The following IGF2 variants were observed in gnomAD, a reference collection of about 807,000 sequenced individuals.
The protein encoded by IGF2 is insulin-like growth factor 2.
IGF2 carries 2 observed loss-of-function variants against 12.0 expected under a neutral mutation model. The observed-to-expected ratio is 0.17, with a 90% CI of 0.07 to 0.52. The LOEUF (loss-of-function observed/expected upper bound fraction) is 0.52. Among genes scored for constraint, IGF2 ranks in the 20% least tolerant of loss-of-function variants. IGF2 has a pLI of 0.95. For missense variants in IGF2, 211 were observed against 268.0 expected, an observed-to-expected ratio of 0.79 and a Z score of 1.48; for synonymous variants, 105 against 110.1, an observed-to-expected ratio of 0.95 and a Z score of 0.29.
rs1440512736 is a variant in IGF2, at chr11:2,138,394, G to T, written c.-172C>A. On this transcript the variant is annotated 5_prime_UTR_variant, in exon 1 of 4. Transcript: ENST00000416167. ...CGGGGGGATGGCTTTTTTTTGGGGGGGGGGGGAGAATTCGTCTGATTGTCC... is the reference window on the plus strand; with the variant it reads ...CGGGGGGATGGCTTTTTTTTGGGGGTGGGGGGAGAATTCGTCTGATTGTCC... 9.3e-5 allele frequency: 49 copies of T among 528,840 alleles called. 1 individual carries two copies. The highest frequency in any genetic ancestry group is 5.8e-4 in the Admixed American group (9 of 15,410). The allele number at this position is 528,840 out of a possible 1,614,324, so 32.8% of individuals were successfully genotyped here.
upstream of IGF2, chr11:2,146,137 T>C: frequency 2.1e-6 from 1 of 473,244 alleles, no homozygotes; most frequent in Non-Finnish European, 4.2e-6. Flanking sequence ...GGACTCAGAC[T>C]CACCCCATGG....
chr11:2,146,785 T>C, the IGF2 span: 12 of 211,754 alleles, frequency 5.7e-5, no homozygotes, highest in South Asian at 7.7e-4. Context: ...TCCATGTGCC[T>C]CCAGCTCCAA....
upstream of IGF2, among the ~76,000 whole-genome samples, chr11:2,142,845 G>T (rs1410873417): frequency 6.6e-6 from 1 of 152,172 alleles, no homozygotes; most frequent in Non-Finnish European, 1.5e-5. This position sits in a 1 kb window ranked among gnomAD's most constrained non-coding sequence, Gnocchi z 5.7. Context: ...GTGTAGCCCA[G>T]AGGGACCCGG....
In IGF2 at chr11:2,129,523, G is replaced by A. The variant is rs950334825; in HGVS notation, c.*3464C>T. ...CCGGCGAGGCAGAATATAACACTGG[G>A]TGGGTGGGTGTCCTGACGAATGGGC... On this transcript the variant is annotated 3_prime_UTR_variant, in exon 4 of 4. Coordinates refer to ENST00000416167, the MANE Select transcript of IGF2 (RefSeq NM_000612.6). This position sits in a 1 kb window ranked among gnomAD's most constrained non-coding sequence, Gnocchi z 8.1. 1 of 227,668 alleles carries A rather than the reference G, an allele frequency of 4.4e-6. No individual in the cohort carries two copies. Among genetic ancestry groups the A allele is most frequent in the African/African-American group, 2.2e-5 (1 of 44,976 alleles). 14.1% of individuals were successfully genotyped at this position (227,668 alleles called of 1,614,324 possible). A position where few individuals can be genotyped will look rare whatever the true frequency, so the allele number is the denominator to read the frequency against.
intron 1 of IGF2, 30 bp downstream of exon 1, chr11:2,138,199 G>C (rs1398590957): frequency 1.0e-6 from 1 of 983,600 alleles, no homozygotes; most frequent in African/African-American, 1.8e-5. Context: ...CCCAGCCCCG[G>C]CCCCGGCCCG....
At chr11:2,135,328 G>A (rs1330128576) in intron 2 of IGF2, 39 bp downstream of exon 2, 4 of 1,555,712 alleles carry the variant, frequency 2.6e-6, no homozygotes, top group Non-Finnish European at 3.5e-6. Context: ...CACTCTAGGG[G>A]CCTGACCAGG....
upstream of IGF2, among the ~76,000 whole-genome samples, chr11:2,143,964 A>C (rs1405235629): frequency 6.6e-6 from 1 of 152,188 alleles, no homozygotes; most frequent in Non-Finnish European, 1.5e-5. Flanking sequence ...CGCGCGGAGC[A>C]CTGGCGCCCT....
Position 2,130,224 on chromosome 11 carries a change from G to A in IGF2, c.*2763C>T, listed in dbSNP as rs1858438633. The A allele has an allele frequency of 8.7e-6, 2 of 231,092 alleles. No individual in the cohort carries two copies. Among genetic ancestry groups the A allele is most frequent in the East Asian group, 6.1e-5 (1 of 16,424 alleles). The allele number at this position is 231,092 out of a possible 1,614,324, so 14.3% of individuals were successfully genotyped here. On this transcript the variant is annotated 3_prime_UTR_variant, in exon 4 of 4. Coordinates refer to ENST00000416167, the MANE Select transcript of IGF2 (RefSeq NM_000612.6). ...CCAGGAGCCCCCTCCTGTGGCCTCC[G>A]AGCACCCTCCTGACACCTGAGGAGA...
chr11:2,148,898 T>C, the IGF2 span: 3 of 574,276 alleles, frequency 5.2e-6, no homozygotes, highest in Non-Finnish European at 9.3e-6. The surrounding 1 kb of genome is among the most constrained non-coding windows in gnomAD (Gnocchi z 4.3). Context: ...TCAGTGGCTT[T>C]GTGCAGCCCT....
At chr11:2,147,207 A>T in the IGF2 span, 1 of 173,760 alleles carries the variant, frequency 5.8e-6, no homozygotes, top group Non-Finnish European at 1.2e-5. The surrounding 1 kb of genome is among the most constrained non-coding windows in gnomAD (Gnocchi z 7.2). Context: ...TTCCCCAATG[A>T]TATTTTCCCT....
upstream of IGF2, among the ~76,000 whole-genome samples, chr11:2,144,461 G>A (rs991879937): frequency 3.3e-5 from 5 of 152,242 alleles, no homozygotes; most frequent in Non-Finnish European, 5.9e-5. Flanking sequence ...AAACAAGGGT[G>A]AAACCAGTTT....
chr11:2,138,382 T>C lies in IGF2; in HGVS notation c.-160A>G. On this transcript the variant is annotated 5_prime_UTR_variant, in exon 1 of 4. Transcript: ENST00000416167. ...GACGGGGCAGAGCGGGGGGATGGCT[T>C]TTTTTTGGGGGGGGGGGGAGAATTC... The C allele has an allele frequency of 6.4e-6, 4 of 627,434 alleles. No homozygotes were observed. Among genetic ancestry groups the C allele is most frequent in the Non-Finnish European group, 7.7e-6 (4 of 516,428 alleles). The allele number at this position is 627,434 out of a possible 1,614,324, so 38.9% of individuals were successfully genotyped here. A position where few individuals can be genotyped will look rare whatever the true frequency, so the allele number is the denominator to read the frequency against.
At chr11:2,137,703 G>C (rs1359756032) in intron 1 of IGF2, among the ~76,000 whole-genome samples, 2 of 152,162 alleles carry the variant, frequency 1.3e-5, no homozygotes, top group Non-Finnish European at 2.9e-5. Context: ...CAGAGCCAGA[G>C]GGGGTGTGGG....
chr11:2,138,351 A>C lies in IGF2; in HGVS notation c.-129T>G, dbSNP rs1859244035. 5.3e-6 allele frequency: 5 copies of C among 942,652 alleles called. No individual in the cohort carries two copies. Among genetic ancestry groups the C allele is most frequent in the Non-Finnish European group, 6.2e-6 (5 of 804,630 alleles). 58.4% of individuals were successfully genotyped at this position (942,652 alleles called of 1,614,324 possible). ...GCTCTGGCCGAGTCGCGGGGGCCGA[A>C]TGTGCGACGGGGCAGAGCGGGGGGA... On this transcript the variant is annotated 5_prime_UTR_variant, in exon 1 of 4. Transcript: ENST00000416167.
At chr11:2,143,970 G>T (rs925815438), upstream of IGF2, among the ~76,000 whole-genome samples, 1 of 152,222 alleles carries the variant, frequency 6.6e-6, no homozygotes, top group African/African-American at 2.4e-5. Flanking sequence ...GAGCACTGGC[G>T]CCCTCCCCGG....
chr11:2,131,783 C>A lies in IGF2; in HGVS notation c.*1204G>T. ...TGTGTGCTGTGTCTTTGTGTGTGTG[C>A]TGTGTGCTAGTGTGTGTGCTGTGTG... On this transcript the variant is annotated 3_prime_UTR_variant, in exon 4 of 4. Coordinates refer to ENST00000416167, the MANE Select transcript of IGF2 (RefSeq NM_000612.6). 1 of 110,022 alleles carries A rather than the reference C, an allele frequency of 9.1e-6. No homozygotes were observed. Among genetic ancestry groups the A allele is most frequent in the Non-Finnish European group, 1.8e-5 (1 of 55,832 alleles). The allele number at this position is 110,022 out of a possible 1,614,324, so 6.8% of individuals were successfully genotyped here. A position where few individuals can be genotyped will look rare whatever the true frequency, so the allele number is the denominator to read the frequency against.
upstream of IGF2, among the ~76,000 whole-genome samples, chr11:2,141,839 T>TA (rs1204427978): frequency 6.6e-6 from 1 of 152,036 alleles, no homozygotes; most frequent in African/African-American, 2.4e-5. Context: ...AAATAAAAAA[T>TA]AAAAAAATAA....
At chr11:2,140,441 T>TG, upstream of IGF2, 1 of 578,412 alleles carries the variant, frequency 1.7e-6, no homozygotes, top group Non-Finnish European at 2.6e-6. Flanking sequence ...CGCGCCCCCC[T>TG]GGCCCCCCTC....
rs1858431491 is a variant in IGF2, at chr11:2,130,122, C to A, written c.*2865G>T. 1 of 230,206 alleles carries A rather than the reference C, an allele frequency of 4.3e-6. No individual in the cohort carries two copies. The highest frequency in any genetic ancestry group is 2.2e-5 in the African/African-American group (1 of 45,186). The allele number at this position is 230,206 out of a possible 1,614,324, so 14.3% of individuals were successfully genotyped here. On this transcript the variant is annotated 3_prime_UTR_variant, in exon 4 of 4. Transcript: ENST00000416167. ...GGTTCCTCAAGTGTGCGGAAGGCGG[C>A]CACCCTGCCCCAGCCTGATGGAACC... is the stretch of plus-strand genomic sequence containing the variant.
Sources: allele counts gnomAD v4.1 joint callset (sites outside exome capture counted in the v4.1 genomes callset), GRCh38; gene constraint gnomAD v4.1.1; non-coding constraint Gnocchi (gnomAD v3.1); transcripts MANE v1.5; gene names NCBI Gene and HGNC (gene_info 2026-07-23, HGNC 2026-07-21).